The following TLN2 variants were observed in gnomAD, a reference collection of about 807,000 sequenced individuals.
TLN2 encodes the protein talin 2.
TLN2 carries 118 observed loss-of-function variants against 294.7 expected under a neutral mutation model. That is an observed-to-expected ratio of 0.40 (90% CI 0.34 to 0.47). The LOEUF (loss-of-function observed/expected upper bound fraction) is 0.47. Among genes scored for constraint, TLN2 ranks in the 20% least tolerant of loss-of-function variants. The probability of loss-of-function intolerance (pLI) is 0.84; values close to 1 mark genes in which losing one functional copy is unlikely to be tolerated. For missense variants in TLN2, 3,083 were observed against 3,282.2 expected (o/e 0.94, Z 1.48); for synonymous variants, 1,431 against 1,304.5 (o/e 1.10, Z -2.09).
At chr15:62,391,803 G>T (rs980688695) in intron 1 of TLN2, among the ~76,000 whole-genome samples, 1 of 152,242 alleles carries the variant, frequency 6.6e-6, no homozygotes, top group Non-Finnish European at 1.5e-5. Flanking sequence ...CCTCTGTCCC[G>T]CCTGGACCCG....
intron 21 of TLN2, among the ~76,000 whole-genome samples, chr15:62,709,717 C>CA (rs2059298582): frequency 8.3e-6 from 1 of 120,610 alleles, no homozygotes; most frequent in East Asian, 3.1e-4. Flanking sequence ...ATCTTAAAGA[C>CA]TTTTTTTTTC....
chr15:62,801,243 G>C (rs1331513842), intron 50 of TLN2, among the ~76,000 whole-genome samples: 1 of 152,174 alleles, frequency 6.6e-6, no homozygotes, highest in African/African-American at 2.4e-5. Context: ...TTAAAATCCA[G>C]CTTCTTTCCA....
At chr15:62,485,070 A>C (rs1178254295) in intron 1 of TLN2, among the ~76,000 whole-genome samples, 1 of 151,962 alleles carries the variant, frequency 6.6e-6, no homozygotes, top group Non-Finnish European at 1.5e-5. Context: ...CTTCAAATCC[A>C]GCTATGTGGT....
chr15:62,410,034 G>T (rs981306544), intron 1 of TLN2, among the ~76,000 whole-genome samples: 1 of 152,174 alleles, frequency 6.6e-6, no homozygotes. Context: ...ACGAGGTCAG[G>T]AGTTCAAGAC....
At chr15:62,572,976 C>T (rs747781008) in intron 1 of TLN2, among the ~76,000 whole-genome samples, 1 of 151,878 alleles carries the variant, frequency 6.6e-6, no homozygotes, top group African/African-American at 2.4e-5. Flanking sequence ...GCCCTGCTCA[C>T]GGGCCTTCCC....
intron 43 of TLN2, among the ~76,000 whole-genome samples, chr15:62,777,263 G>A (rs763298725): frequency 3.9e-5 from 6 of 152,094 alleles, no homozygotes; most frequent in South Asian, 2.1e-4. Flanking sequence ...CCGGCCGGGC[G>A]CGGTGGCTCA....
At chr15:62,461,236 G>A (rs1016789211) in intron 1 of TLN2, among the ~76,000 whole-genome samples, 1 of 152,160 alleles carries the variant, frequency 6.6e-6, no homozygotes, top group Non-Finnish European at 1.5e-5. Flanking sequence ...GAGCCACCGC[G>A]TCTGGCCAGT....
intron 4 of TLN2, chr15:62,649,882 G>C: frequency 1.9e-6 from 1 of 527,844 alleles, no homozygotes. Flanking sequence ...CCTTATTTGT[G>C]GGTGTTGCTT....
intron 1 of TLN2, among the ~76,000 whole-genome samples, chr15:62,576,051 T>TG (rs1033696782): frequency 1.3e-5 from 2 of 152,208 alleles, no homozygotes; most frequent in African/African-American, 4.8e-5. Flanking sequence ...CAGGGGTCTG[T>TG]GGGGTGATTA....
At chr15:62,424,800 A>AT (rs2034607862) in intron 1 of TLN2, among the ~76,000 whole-genome samples, 1 of 131,036 alleles carries the variant, frequency 7.6e-6, no homozygotes, top group South Asian at 2.5e-4. Flanking sequence ...CCACAGGTGC[A>AT]TGCCACCATG....
chr15:62,724,629 G>C (rs529491971), intron 26 of TLN2, among the ~76,000 whole-genome samples: 1 of 152,128 alleles, frequency 6.6e-6, no homozygotes, highest in Admixed American at 6.5e-5. Flanking sequence ...ATGACTCTGT[G>C]TACACACATG....
chr15:62,501,441 C>T (rs1006886349), intron 1 of TLN2, among the ~76,000 whole-genome samples: 6 of 152,108 alleles, frequency 3.9e-5, no homozygotes, highest in African/African-American at 9.7e-5. Flanking sequence ...ACCAAAAGAG[C>T]GACCCTCCCA....
At position 62,696,341 on chromosome 15, in the gene TLN2, C is replaced by T. The variant is rs928259682; in HGVS notation, c.1293-1347C>T. Among the ~76,000 whole-genome samples the T allele has an allele frequency of 2.6e-5, 4 of 152,360 alleles. 1 individual carries two copies. The East Asian group carries it at 7.7e-4, about 29-fold the overall frequency. ...GCTTCTGAGGAACATATGCCACCCT[C>T]AGACTTTTTACCTTCAGATGATCAG... On this transcript the variant is annotated intron_variant, in intron 14 of 58. Transcript: ENST00000636159.
At chr15:62,798,673 A>G (rs1029733362) in intron 48 of TLN2, among the ~76,000 whole-genome samples, 2 of 151,964 alleles carry the variant, frequency 1.3e-5, no homozygotes, top group Admixed American at 6.6e-5. Flanking sequence ...CTGGTTAGAA[A>G]CCCCCTGTCA....
intron 1 of TLN2, among the ~76,000 whole-genome samples, chr15:62,464,308 CA>C (rs1360112222): frequency 2.0e-5 from 3 of 152,142 alleles, no homozygotes; most frequent in Non-Finnish European, 4.4e-5. Context: ...TCATTCTCAG[CA>C]AACTATCGCA....
At chr15:62,670,418 T>C (rs980903243) in intron 9 of TLN2, among the ~76,000 whole-genome samples, 1 of 152,224 alleles carries the variant, frequency 6.6e-6, no homozygotes, top group Non-Finnish European at 1.5e-5. Flanking sequence ...CTTCCTCTTT[T>C]GTGATGTTGG....
rs149988980 is a variant in TLN2 at position 62,395,167 on chromosome 15, A to G, written c.-238+4482A>G. On this transcript the variant is annotated intron_variant, in intron 1 of 58. Coordinates refer to ENST00000636159, the MANE Select transcript of TLN2 (RefSeq NM_015059.3). ...TCCCCTGCCCTCACAATGCCCACAC[A>G]TTGTGTTCCGAGGAGGTGATACTCT... is the stretch of plus-strand genomic sequence containing the variant. 4.7e-4 allele frequency among the ~76,000 whole-genome samples: 57 copies of G among 121,814 alleles called. 1 individual carries two copies. The highest frequency in any genetic ancestry group is 5.0e-3 in the Middle Eastern group (1 of 202). The allele number at this position is 121,814 out of a possible 152,430, so 79.9% of individuals were successfully genotyped here.
At chr15:62,517,734 A>G (rs2040253221) in intron 1 of TLN2, among the ~76,000 whole-genome samples, 1 of 152,202 alleles carries the variant, frequency 6.6e-6, no homozygotes, top group African/African-American at 2.4e-5. Context: ...GGAAAAACAA[A>G]CATGTTAATT....
At chr15:62,548,350 G>A (rs955376506) in intron 1 of TLN2, among the ~76,000 whole-genome samples, 6 of 152,182 alleles carry the variant, frequency 3.9e-5, no homozygotes, top group Admixed American at 3.3e-4. Flanking sequence ...CGGGTAAAAT[G>A]GGATGGAAAA....
Sources: allele counts gnomAD v4.1 joint callset (sites outside exome capture counted in the v4.1 genomes callset), GRCh38; gene constraint gnomAD v4.1.1; transcripts MANE v1.5; gene names NCBI Gene and HGNC (gene_info 2026-07-23, HGNC 2026-07-21).